PTCHD4: variants seen among roughly 807,000 people sequenced by gnomAD.
The protein encoded by PTCHD4 is patched domain containing 4.
A neutral mutation model predicts 58.1 loss-of-function variants in PTCHD4; 33 were observed. The observed-to-expected ratio is 0.57, with a 90% CI of 0.43 to 0.76. The LOEUF is 0.76. Ranked by LOEUF, PTCHD4 falls within the 30% of genes least tolerant of loss-of-function variation. The probability of loss-of-function intolerance (pLI) is 0.00; values close to 1 mark genes in which losing one functional copy is unlikely to be tolerated. For missense variants in PTCHD4, 1,058 were observed against 1,027.1 expected (o/e 1.03, Z -0.41); for synonymous variants, 478 against 409.6 (o/e 1.17, Z -2.02).
chr6:48,060,637 C>T (rs1483871541), intron 3 of PTCHD4, among the ~76,000 whole-genome samples: 1 of 152,156 alleles, frequency 6.6e-6, no homozygotes, highest in South Asian at 2.1e-4. Flanking sequence ...CCACACCTGG[C>T]TAATTTCTGT....
At chr6:47,903,543 G>A (rs1397081691) in intron 4 of PTCHD4, among the ~76,000 whole-genome samples, 1 of 152,064 alleles carries the variant, frequency 6.6e-6, no homozygotes, top group East Asian at 1.9e-4. Flanking sequence ...TCAAACTCCT[G>A]GGCCCAAGCG....
intron 4 of PTCHD4, among the ~76,000 whole-genome samples, chr6:47,946,557 T>A (rs941386121): frequency 6.6e-6 from 1 of 152,144 alleles, no homozygotes; most frequent in African/African-American, 2.4e-5. Context: ...TTAGTTTACA[T>A]TCATCCTTTG....
rs922403038 is a variant in PTCHD4 at position 47,951,104 on chromosome 6, A to G, written c.898+57530T>C. Among the ~76,000 whole-genome samples the G allele has an allele frequency of 2.1e-4, 32 of 152,234 alleles. 1 individual carries two copies. The highest frequency in any genetic ancestry group is 7.3e-5 in the Non-Finnish European group (5 of 68,042). On this transcript the variant is annotated intron_variant, in intron 4 of 4. Transcript: ENST00000339488. The stretch of plus-strand genomic sequence containing the variant: ...GATTTTTGCAAGGGGATGAAAGTCA[A>G]GAGAATTTTTTTTAAATAGGAGATA...
intron 1 of PTCHD4, among the ~76,000 whole-genome samples, chr6:48,088,846 C>G (rs1018140862): frequency 1.3e-5 from 2 of 152,040 alleles, no homozygotes; most frequent in African/African-American, 2.4e-5. Flanking sequence ...GAGTTCGAGA[C>G]CAGCCTGGCC....
At chr6:47,925,495 T>A (rs1765580142) in intron 4 of PTCHD4, among the ~76,000 whole-genome samples, 1 of 152,204 alleles carries the variant, frequency 6.6e-6, no homozygotes, top group South Asian at 2.1e-4. Flanking sequence ...TTCTTCTCTC[T>A]TAGAGAAGAG....
intron 4 of PTCHD4, among the ~76,000 whole-genome samples, chr6:47,949,110 T>A (rs1280275259): frequency 6.6e-6 from 1 of 152,214 alleles, no homozygotes; most frequent in East Asian, 1.9e-4. Context: ...GATATGAAGA[T>A]AATGCAGGGG....
chr6:47,956,048 A>G (rs1431904275), intron 4 of PTCHD4, among the ~76,000 whole-genome samples: 1 of 152,186 alleles, frequency 6.6e-6, no homozygotes, highest in Non-Finnish European at 1.5e-5. Flanking sequence ...AGTTCTTTTT[A>G]TGCTCAATTC....
At chr6:48,106,809 G>C (rs1054174526) in intron 1 of PTCHD4, among the ~76,000 whole-genome samples, 19 of 152,152 alleles carry the variant, frequency 1.2e-4, no homozygotes, top group African/African-American at 4.6e-4. Context: ...ATCAATAACA[G>C]ACAAACAGAG....
At position 47,886,864 on chromosome 6, in the gene PTCHD4, C is replaced by T. The variant is rs149457423; in HGVS notation, c.899-6928G>A. The stretch of plus-strand genomic sequence containing the variant: ...AACATGCGTGATCTCTAACACTTTC[C>T]GCTTGCCCTACTCACCCGCATTCCA... On this transcript the variant is annotated intron_variant, in intron 4 of 4. Transcript: ENST00000339488. Among the ~76,000 whole-genome samples, 13 of 152,250 alleles carry T rather than the reference C, an allele frequency of 8.5e-5. No individual in the cohort carries two copies. In the East Asian group the frequency reaches 2.3e-3, roughly 27 times the overall value.
At chr6:48,073,400 G>T (rs1765009611) in intron 1 of PTCHD4, among the ~76,000 whole-genome samples, 1 of 152,096 alleles carries the variant, frequency 6.6e-6, no homozygotes, top group Non-Finnish European at 1.5e-5. Flanking sequence ...CTAATTATTT[G>T]GTCCTGTTTG....
At chr6:47,917,104 C>T (rs1387261880) in intron 4 of PTCHD4, among the ~76,000 whole-genome samples, 2 of 151,666 alleles carry the variant, frequency 1.3e-5, no homozygotes, top group African/African-American at 4.8e-5. Context: ...ATCTTTTTTC[C>T]AATAATACTA....
chr6:48,001,443 G>T (rs924245126), intron 4 of PTCHD4, among the ~76,000 whole-genome samples: 2 of 152,156 alleles, frequency 1.3e-5, no homozygotes, highest in Non-Finnish European at 2.9e-5. Context: ...AGATCCCTCA[G>T]AAATAATGCC....
chr6:47,961,765 A>C lies in PTCHD4; in HGVS notation c.898+46869T>G, dbSNP rs150052080. 3.9e-5 allele frequency among the ~76,000 whole-genome samples: 6 copies of C among 152,322 alleles called. No individual in the cohort carries two copies. In the East Asian group the frequency reaches 9.6e-4, roughly 24 times the overall value. ...CACTACCAAAATGTGTGCCACTAAAAGAATACTTAGGGAGAAATTTACTGC... is the reference window on the plus strand; with the variant it reads ...CACTACCAAAATGTGTGCCACTAAACGAATACTTAGGGAGAAATTTACTGC... On this transcript the variant is annotated intron_variant, in intron 4 of 4. Coordinates refer to ENST00000339488, the MANE Select transcript of PTCHD4 (RefSeq NM_001384253.1).
At position 47,869,139 on chromosome 6, in the gene PTCHD4, T is replaced by G. The variant is rs972336339; in HGVS notation, c.*9164A>C. 1.3e-5 allele frequency among the ~76,000 whole-genome samples: 2 copies of G among 151,740 alleles called. No homozygotes were observed. Among genetic ancestry groups the G allele is most frequent in the African/African-American group, 4.8e-5 (2 of 41,376 alleles). On this transcript the variant is annotated 3_prime_UTR_variant, in exon 5 of 5. Coordinates refer to ENST00000339488, the MANE Select transcript of PTCHD4 (RefSeq NM_001384253.1). ...TTGAATGTTGGTTATCTATGCGTTA[T>G]GTATAATGCCACCACATTATTCATC...
intron 3 of PTCHD4, among the ~76,000 whole-genome samples, chr6:48,052,717 CAG>C (rs961789430): frequency 2.0e-5 from 3 of 151,962 alleles, no homozygotes; most frequent in Non-Finnish European, 4.4e-5. Flanking sequence ...CTGTCAAAGA[CAG>C]AGTATTTAAT....
At chr6:48,081,229 T>C (rs989615959) in intron 1 of PTCHD4, among the ~76,000 whole-genome samples, 1 of 152,188 alleles carries the variant, frequency 6.6e-6, no homozygotes, top group Non-Finnish European at 1.5e-5. Flanking sequence ...AATTTGGTGA[T>C]AGATTAAATG....
At chr6:47,927,172 A>G (rs146064752) in intron 4 of PTCHD4, among the ~76,000 whole-genome samples, 120 of 152,352 alleles carry the variant, frequency 7.9e-4, no homozygotes, top group Non-Finnish European at 1.5e-3. Context: ...TGGAGCCTGA[A>G]CTAGATATGC....
At chr6:48,086,760 T>C (rs1164370013) in intron 1 of PTCHD4, among the ~76,000 whole-genome samples, 1 of 152,180 alleles carries the variant, frequency 6.6e-6, no homozygotes, top group African/African-American at 2.4e-5. Context: ...AAAGTGAGTA[T>C]GTGTATCAAG....
At chr6:48,013,383 T>TTC (rs1424131331) in intron 3 of PTCHD4, among the ~76,000 whole-genome samples, 1 of 151,660 alleles carries the variant, frequency 6.6e-6, no homozygotes, top group Non-Finnish European at 1.5e-5. Context: ...GAGTTTTTTT[T>TTC]TTTTTTCTCA....
Sources: gnomAD v4.1 joint callset for allele counts (sites outside exome capture counted in the v4.1 genomes callset) on GRCh38, gnomAD v4.1.1 for gene constraint, MANE v1.5 for transcripts, NCBI Gene and HGNC (gene_info 2026-07-23, HGNC 2026-07-21) for gene names.